RALA: variants seen among roughly 807,000 people sequenced by gnomAD.
RALA encodes RAS like proto-oncogene A.
In RALA, 5 loss-of-function variants were observed where a neutral mutation model predicts 24.0. The ratio of observed to expected loss-of-function variants is 0.21; its 90% CI spans 0.11 to 0.44. The LOEUF (loss-of-function observed/expected upper bound fraction) is 0.44, where lower values mean the gene tolerates loss of function less well. Ranked by LOEUF, RALA falls within the 20% of genes least tolerant of loss-of-function variation. The pLI, the probability that RALA is intolerant of heterozygous loss-of-function variation, is 0.99. For synonymous variants in RALA, 77 were observed against 83.8 expected, an observed-to-expected ratio of 0.92 and a Z score of 0.44; for missense variants, 95 against 241.2, an observed-to-expected ratio of 0.39 and a Z score of 4.01.
At chr7:39,647,963 AT>A (rs1240965510) in intron 1 of RALA, among the ~76,000 whole-genome samples, 1 of 152,234 alleles carries the variant, frequency 6.6e-6, no homozygotes, top group African/African-American at 2.4e-5. Context: ...TCTTAGATCT[AT>A]TTTAAGCCCT....
intron 4 of RALA, among the ~76,000 whole-genome samples, chr7:39,702,602 G>T (rs1191880237): frequency 6.6e-6 from 1 of 152,130 alleles, no homozygotes; most frequent in Non-Finnish European, 1.5e-5. Context: ...CCAAGATACA[G>T]AACCAACCCA....
chr7:39,665,052 C>T (rs1443480141), intron 1 of RALA, among the ~76,000 whole-genome samples: 1 of 152,176 alleles, frequency 6.6e-6, no homozygotes, highest in African/African-American at 2.4e-5. Flanking sequence ...ATTGGTACCA[C>T]ATAGAAACAT....
At chr7:39,699,121 ATTTTTTTTTTTTTTTTTT>A (rs71560137) in intron 4 of RALA, among the ~76,000 whole-genome samples, 1 of 61,368 alleles carries the variant, frequency 1.6e-5, no homozygotes, top group East Asian at 5.3e-4. Context: ...TAAAAATGTT[ATTTTTTTTTTTTTTTTTT>A]TTTTTTTTTT....
intron 1 of RALA, among the ~76,000 whole-genome samples, chr7:39,661,542 CA>C (rs1792190948): frequency 6.6e-6 from 1 of 152,172 alleles, no homozygotes; most frequent in African/African-American, 2.4e-5. Flanking sequence ...TATGCAAGTC[CA>C]AAATCCAGCA....
chr7:39,646,832 C>T (rs1382403897), intron 1 of RALA, among the ~76,000 whole-genome samples: 1 of 152,006 alleles, frequency 6.6e-6, no homozygotes, highest in African/African-American at 2.4e-5. Context: ...TACTTTTCAG[C>T]CTTACCCATG....
chr7:39,707,447 T>C lies in RALA; in HGVS notation c.*1202T>C, dbSNP rs1424835637. On this transcript the variant is annotated 3_prime_UTR_variant, in exon 5 of 5. Transcript: ENST00000005257. ...ACACTGTAGCTACATTTTCAGAAGT[T>C]AACATCAAGCCATCAAACCTGGGTA... 1 of 152,210 alleles carries C rather than the reference T, an allele frequency of 6.6e-6. No individual in the cohort carries two copies. The highest frequency in any genetic ancestry group is 2.4e-5 in the African/African-American group (1 of 41,446). The allele number at this position is 152,210 out of a possible 1,614,324, so 9.4% of individuals were successfully genotyped here. A position where few individuals can be genotyped will look rare whatever the true frequency, so the allele number is the denominator to read the frequency against.
At chr7:39,646,633 A>T (rs1218709333) in intron 1 of RALA, among the ~76,000 whole-genome samples, 1 of 152,204 alleles carries the variant, frequency 6.6e-6, no homozygotes. Context: ...TCTCAAAAAA[A>T]GATTGAACAT....
intron 1 of RALA, among the ~76,000 whole-genome samples, chr7:39,671,791 T>G (rs531302783): frequency 3.9e-5 from 6 of 152,356 alleles, no homozygotes; most frequent in Non-Finnish European, 8.8e-5. Context: ...TTATTTTGTG[T>G]TCTTCTTATT....
At chr7:39,689,456 T>C (rs905558261) in intron 2 of RALA, among the ~76,000 whole-genome samples, 2 of 152,218 alleles carry the variant, frequency 1.3e-5, no homozygotes, top group Non-Finnish European at 2.9e-5. Flanking sequence ...TTTAGAGATA[T>C]AATGATGAAT....
chr7:39,631,500 AG>A (rs1318610045), intron 1 of RALA, among the ~76,000 whole-genome samples: 1 of 152,214 alleles, frequency 6.6e-6, no homozygotes, highest in Non-Finnish European at 1.5e-5. Flanking sequence ...ATGATAGTAC[AG>A]GTGTGTGCCA....
intron 1 of RALA, among the ~76,000 whole-genome samples, chr7:39,685,864 G>A (rs1250583620): frequency 6.6e-6 from 1 of 152,162 alleles, no homozygotes; most frequent in Non-Finnish European, 1.5e-5. Context: ...GCATGATGTA[G>A]TAAACACATT....
chr7:39,704,090 C>T (rs373128191), intron 4 of RALA, among the ~76,000 whole-genome samples: 8 of 148,138 alleles, frequency 5.4e-5, no homozygotes, highest in Admixed American at 2.0e-4. Context: ...CTCTTGAACC[C>T]GGGAGGCAGA....
intron 1 of RALA, among the ~76,000 whole-genome samples, chr7:39,675,484 C>T (rs1199370966): frequency 6.6e-6 from 1 of 152,156 alleles, no homozygotes; most frequent in Non-Finnish European, 1.5e-5. Context: ...GCCCGTAATC[C>T]TAACATGGAG....
chr7:39,674,167 A>G (rs2060273782), intron 1 of RALA, among the ~76,000 whole-genome samples: 1 of 151,938 alleles, frequency 6.6e-6, no homozygotes. Flanking sequence ...GTAACCTCAA[A>G]CTCCTGGGCT....
rs991296034 is a variant in RALA, at chr7:39,660,857, T to G, written c.-37-25774T>G. ...TTATTTACTATCAGGTACACAAATCTTATAAAAAGTTAAAATTTATCAAAA... is the reference window on the plus strand; with the variant it reads ...TTATTTACTATCAGGTACACAAATCGTATAAAAAGTTAAAATTTATCAAAA... On this transcript the variant is annotated intron_variant, in intron 1 of 4. Coordinates refer to ENST00000005257, the MANE Select transcript of RALA (RefSeq NM_005402.4). Among the ~76,000 whole-genome samples, 3 of 152,204 alleles carry G rather than the reference T, an allele frequency of 2.0e-5. 1 individual carries two copies. The highest frequency in any genetic ancestry group is 6.5e-5 in the Admixed American group (1 of 15,290).
intron 1 of RALA, among the ~76,000 whole-genome samples, chr7:39,635,369 G>A (rs1791670250): frequency 6.6e-6 from 1 of 152,080 alleles, no homozygotes; most frequent in Admixed American, 6.6e-5. Context: ...AGCCAGACCT[G>A]TCTCGAAAAA....
At chr7:39,658,320 C>A (rs1471712485) in intron 1 of RALA, among the ~76,000 whole-genome samples, 1 of 152,088 alleles carries the variant, frequency 6.6e-6, no homozygotes, top group African/African-American at 2.4e-5. Context: ...TATTTTTGCC[C>A]ATTTCTTGCC....
chr7:39,674,486 A>G (rs939888222), intron 1 of RALA, among the ~76,000 whole-genome samples: 2 of 152,152 alleles, frequency 1.3e-5, no homozygotes, highest in South Asian at 4.1e-4. Context: ...AACATTTTTC[A>G]CTTAGAATTC....
intron 1 of RALA, among the ~76,000 whole-genome samples, chr7:39,646,403 G>C (rs770372777): frequency 6.6e-6 from 1 of 152,202 alleles, no homozygotes. Context: ...GGGAGTCTAA[G>C]GTGGGAGGAT....
Sources: gnomAD v4.1 joint callset for allele counts (sites outside exome capture counted in the v4.1 genomes callset) on GRCh38, gnomAD v4.1.1 for gene constraint, MANE v1.5 for transcripts, NCBI Gene and HGNC (gene_info 2026-07-23, HGNC 2026-07-21) for gene names.